The following EIF2B5 variants were observed in gnomAD, a reference collection of about 807,000 sequenced individuals.
EIF2B5 encodes the protein eukaryotic translation initiation factor 2B subunit epsilon, also known as translation initiation factor eIF2B subunit epsilon.
Under a neutral mutation model 87.3 loss-of-function variants are expected in EIF2B5, and 38 were observed. The observed-to-expected ratio is 0.44, with a 90% confidence interval of 0.34 to 0.57. The LOEUF is 0.57. Ranked by LOEUF, EIF2B5 falls within the 20% of genes least tolerant of loss-of-function variation. The probability of loss-of-function intolerance (pLI) is 0.02; values close to 1 mark genes in which losing one functional copy is unlikely to be tolerated. For missense variants in EIF2B5, 784 were observed against 909.5 expected (o/e 0.86, Z 1.78); for synonymous variants, 313 against 339.6 (o/e 0.92, Z 0.86).
intron 7 of EIF2B5, 190 bp downstream of exon 7, chr3:184,140,920 C>CCT: frequency 6.0e-6 from 4 of 662,382 alleles, no homozygotes; most frequent in Non-Finnish European, 1.0e-5. Context: ...AGCCTGTGGG[C>CCT]CTCTCATTGG....
Position 184,144,230 on chromosome 3 carries a change from T to G in EIF2B5, c.1995+6T>G. On this transcript the variant is annotated splice_donor_region_variant and intron_variant, in intron 14 of 15. Transcript: ENST00000648915. ...TTGGTATTTCCATGGCCAAGGTGAA[T>G]ATGACCTCAAGCCCCATTCTTCTGC... is the stretch of plus-strand genomic sequence containing the variant. The G allele has an allele frequency of 6.2e-7, 1 of 1,613,944 alleles. No individual in the cohort carries two copies. The highest frequency in any genetic ancestry group is 1.7e-4 in the Middle Eastern group (1 of 5,882).
At position 184,141,917 on chromosome 3, in the gene EIF2B5, T is replaced by C; in HGVS notation, c.1157-8T>C. 6.2e-7 allele frequency: 1 copy of C among 1,613,994 alleles called. No individual in the cohort carries two copies. Among genetic ancestry groups the C allele is most frequent in the Non-Finnish European group, 8.5e-7 (1 of 1,179,964 alleles). Reference sequence around the variant, plus strand: ...GAGTTACCCAGAGGTCTTCCCATCCTGAGCCAGGTGATAACGTGGTGCTGG... The same window carrying C: ...GAGTTACCCAGAGGTCTTCCCATCCCGAGCCAGGTGATAACGTGGTGCTGG... On this transcript the variant is annotated splice_polypyrimidine_tract_variant and splice_region_variant and intron_variant, in intron 7 of 15. Transcript: ENST00000648915.
At chr3:184,135,761 C>A in intron 1 of EIF2B5, 181 bp downstream of exon 1, 1 of 781,100 alleles carries the variant, frequency 1.3e-6, no homozygotes, top group Non-Finnish European at 2.0e-6. Context: ...TAGTGGCCGG[C>A]AGATTTGGGC....
At chr3:184,137,579 A>G in intron 2 of EIF2B5, 41 bp from the exon 3 acceptor site, 1 of 1,597,446 alleles carries the variant, frequency 6.3e-7, no homozygotes, top group Non-Finnish European at 8.6e-7. Context: ...AATGATCTTT[A>G]TGCTTGATAC....
intron 1 of EIF2B5, 169 bp downstream of exon 1, chr3:184,135,749 G>A: frequency 1.1e-6 from 1 of 909,334 alleles, no homozygotes; most frequent in Non-Finnish European, 1.7e-6. Flanking sequence ...TGCTGACCAA[G>A]TTAGTGGCCG....
Position 184,141,958 on chromosome 3 carries a change from G to T in EIF2B5, c.1190G>T (p.Trp397Leu). Residue 397 changes from tryptophan (W) to leucine (L), a missense_variant, in exon 8 of 16, where the codon TGG becomes TTG. Coordinates refer to ENST00000648915, the MANE Select transcript of EIF2B5 (RefSeq NM_003907.3). ...DNVVLDQTYL[W>L]QGVRVAAGAQ... The stretch of plus-strand genomic sequence containing the variant: ...GTGGTGCTGGACCAGACCTACCTGT[G>T]GCAGGGTGTTCGAGTGGCGGCTGGA... The T allele has an allele frequency of 1.2e-6, 2 of 1,614,130 alleles. No homozygotes were observed. The highest frequency in any genetic ancestry group is 2.2e-5 in the South Asian group (2 of 91,078).
rs757098900 is a variant in EIF2B5 at position 184,142,452 on chromosome 3, G to A, written c.1445-50G>A. ...AGAAGAACCAGTGTTTCCTCCTGGAGGGATTGGTGCTTCCGCCGGGCCCTC... is the reference window on the plus strand; with the variant it reads ...AGAAGAACCAGTGTTTCCTCCTGGAAGGATTGGTGCTTCCGCCGGGCCCTC... On this transcript the variant is annotated intron_variant, in intron 9 of 15. Transcript: ENST00000648915. The surrounding 1 kb of genome is among the most constrained non-coding windows in gnomAD (Gnocchi z 5.0). The A allele has an allele frequency of 6.2e-7, 1 of 1,614,142 alleles. No homozygotes were observed. The highest frequency in any genetic ancestry group is 2.2e-5 in the East Asian group (1 of 44,878).
chr3:184,145,140 G>C lies in EIF2B5; in HGVS notation c.*197G>C, dbSNP rs1276748359. 9.2e-6 allele frequency: 6 copies of C among 648,982 alleles called. No individual in the cohort carries two copies. Among genetic ancestry groups the C allele is most frequent in the Non-Finnish European group, 1.4e-5 (5 of 361,112 alleles). The allele number at this position is 648,982 out of a possible 1,614,324, so 40.2% of individuals were successfully genotyped here. ...CATCCTGACTGTGGAGTTGGGATGTGGAAGTGGGGCTGGAACAAAGCTTCT... is the reference window on the plus strand; with the variant it reads ...CATCCTGACTGTGGAGTTGGGATGTCGAAGTGGGGCTGGAACAAAGCTTCT... On this transcript the variant is annotated 3_prime_UTR_variant, in exon 16 of 16. Transcript: ENST00000648915. This position sits in a 1 kb window ranked among gnomAD's most constrained non-coding sequence, Gnocchi z 4.0.
Position 184,135,500 on chromosome 3 carries a change from C to G in EIF2B5, c.115C>G (p.Pro39Ala), listed in dbSNP as rs886058213. The part of the protein sequence containing the change: ...GGGARGAEEE[P>A]PPPLQAVLVA... ...GGGAGCCAGAGGGGCGGAGGAGGAA[C>G]CGCCGCCGCCCCTACAAGCAGTTCT... is the stretch of plus-strand genomic sequence containing the variant. Residue 39 changes from proline (P) to alanine (A), a missense_variant, in exon 1 of 16, where the codon CCG (proline) becomes GCG (alanine). Pro to Ala is a conservative substitution (Grantham distance 27, BLOSUM62 -1). This residue lies in a region of EIF2B5 where 117 missense variants were observed against 101.0 expected (regional missense o/e 1.16). Transcript: ENST00000648915. The G allele has an allele frequency of 2.7e-5, 43 of 1,579,972 alleles. No individual in the cohort carries two copies. The highest frequency in any genetic ancestry group is 3.4e-5 in the Non-Finnish European group (40 of 1,164,206).
intron 5 of EIF2B5, among the ~76,000 whole-genome samples, chr3:184,138,601 T>C (rs1454504822): frequency 3.9e-5 from 6 of 152,092 alleles, no homozygotes; most frequent in Admixed American, 3.9e-4. Context: ...GTGATCTACC[T>C]GTCTCAGCCT....
intron 5 of EIF2B5, chr3:184,138,953 G>GT (rs202191142): frequency 4.6e-4 from 115 of 249,226 alleles, no homozygotes; most frequent in African/African-American, 5.7e-4. Context: ...TGAGCCACCA[G>GT]TTTTTTTTGT....
Position 184,137,610 on chromosome 3 carries a change from C to CT in EIF2B5, c.321-8dup. The CT allele has an allele frequency of 1.2e-6, 2 of 1,613,822 alleles. No homozygotes were observed. The highest frequency in any genetic ancestry group is 1.7e-6 in the Non-Finnish European group (2 of 1,179,740). Reference sequence around the variant, plus strand: ...GATACACTCATTCCCCTCACCCTCCCTTCCTTTAGGAAGTCAAAGTGGTGC... The same window carrying CT: ...GATACACTCATTCCCCTCACCCTCCCTTTCCTTTAGGAAGTCAAAGTGGTGC... On this transcript the variant is annotated splice_polypyrimidine_tract_variant and intron_variant, in intron 2 of 15. Transcript: ENST00000648915.
chr3:184,140,658 C>A lies in EIF2B5; in HGVS notation c.1084C>A (p.Leu362Met). Reference sequence around the variant, plus strand: ...CAGCATCCTAGAGGAAAATGTGCTCCTGGGCTCTGGCACTGTCATTGGCAG... The same window carrying A: ...CAGCATCCTAGAGGAAAATGTGCTCATGGGCTCTGGCACTGTCATTGGCAG... ...HGSILEENVL[L>M]GSGTVIGSNC... Residue 362 changes from leucine to methionine, a missense_variant, in exon 7 of 16, where the codon CTG becomes ATG. Physicochemically the swap from Leu to Met is conservative, Grantham distance 15. Coordinates refer to ENST00000648915, the MANE Select transcript of EIF2B5 (RefSeq NM_003907.3). 3 of 1,614,220 alleles carry A rather than the reference C, an allele frequency of 1.9e-6. No individual in the cohort carries two copies. Among genetic ancestry groups the A allele is most frequent in the Non-Finnish European group, 8.5e-7 (1 of 1,180,040 alleles).
chr3:184,143,591 A>C (rs200129815), intron 13 of EIF2B5, 26 bp downstream of exon 13: 1 of 1,614,120 alleles, frequency 6.2e-7, no homozygotes, highest in Non-Finnish European at 8.5e-7. Context: ...AGCTGAGTAC[A>C]AGGGATTGGG....
intron 5 of EIF2B5, among the ~76,000 whole-genome samples, chr3:184,139,823 C>G (rs1245083981): frequency 6.6e-6 from 1 of 151,546 alleles, no homozygotes; most frequent in Non-Finnish European, 1.5e-5. Context: ...CAAGACCAGC[C>G]TGACCAACAC....
intron 6 of EIF2B5, 24 bp downstream of exon 6, chr3:184,140,181 C>A: frequency 6.3e-7 from 1 of 1,599,480 alleles, no homozygotes; most frequent in South Asian, 1.1e-5. Context: ...TCCAATGCCT[C>A]TTTAGGAGAG....
At chr3:184,140,825 CA>C in intron 7 of EIF2B5, 95 bp downstream of exon 7, 1 of 1,416,014 alleles carries the variant, frequency 7.1e-7, no homozygotes, top group Non-Finnish European at 9.9e-7. Context: ...ACACAAGGGA[CA>C]GTCCCTGGGA....
intron 5 of EIF2B5, among the ~76,000 whole-genome samples, chr3:184,138,543 TG>T (rs1713468183): frequency 6.6e-6 from 1 of 151,638 alleles, no homozygotes; most frequent in African/African-American, 2.4e-5. Flanking sequence ...TTAGTAGAGA[TG>T]GGGTTTCACC....
At chr3:184,144,078 G>C (rs1398599881) in intron 13 of EIF2B5, 21 bp from the exon 14 acceptor site, 1 of 1,614,092 alleles carries the variant, frequency 6.2e-7, no homozygotes, top group African/African-American at 1.3e-5. Flanking sequence ...ATATACTGCA[G>C]CTCCCTTCTT....
Sources: gnomAD v4.1 joint callset for allele counts (sites outside exome capture counted in the v4.1 genomes callset) on GRCh38, gnomAD v4.1.1 for gene constraint, gnomAD v4.1.1 regional missense constraint, Gnocchi (gnomAD v3.1) non-coding constraint, MANE v1.5 for transcripts, NCBI Gene and HGNC (gene_info 2026-07-23, HGNC 2026-07-21) for gene names.